Variants in OR56A3 observed in about 807,000 individuals in gnomAD.
OR56A3 encodes olfactory receptor 56A3.
OR56A3 carries 23 observed loss-of-function variants against 17.5 expected under a neutral mutation model. The observed-to-expected ratio is 1.32, with a 90% CI of 0.95 to 1.87. The LOEUF (loss-of-function observed/expected upper bound fraction) is 1.87. Ranked by LOEUF, OR56A3 falls within the 40% of genes most tolerant of loss-of-function variation. The pLI is 0.00. For synonymous variants in OR56A3, 175 were observed against 150.6 expected (o/e 1.16, Z -1.19); for missense variants, 366 against 380.1 (o/e 0.96, Z 0.31).
chr11:5,980,245 G>A, the OR56A3 span, among the ~76,000 whole-genome samples: 1 of 152,050 alleles, frequency 6.6e-6, no homozygotes, highest in Non-Finnish European at 1.5e-5. Flanking sequence ...ATCTTTGCTA[G>A]TTTTCTGCCT....
the OR56A3 span, among the ~76,000 whole-genome samples, chr11:5,962,832 G>T: frequency 9.2e-5 from 14 of 152,132 alleles, no homozygotes; most frequent in Non-Finnish European, 1.9e-4. Flanking sequence ...GCCACCGTCT[G>T]GGCTTTTCTT....
the OR56A3 span, chr11:5,967,983 T>C: frequency 6.3e-7 from 1 of 1,589,514 alleles, no homozygotes; most frequent in Non-Finnish European, 8.6e-7. Context: ...TCCTGCACAG[T>C]ATCTGAGTCG....
At chr11:5,978,044 T>TA in the OR56A3 span, among the ~76,000 whole-genome samples, 1 of 152,336 alleles carries the variant, frequency 6.6e-6, no homozygotes, top group South Asian at 2.1e-4. Flanking sequence ...CTGGGTTTTG[T>TA]AATCTTTTCC....
At chr11:5,947,068 AC>A (rs1232747654) in intron 2 of OR56A3, among the ~76,000 whole-genome samples, 2 of 152,118 alleles carry the variant, frequency 1.3e-5, no homozygotes, top group African/African-American at 2.4e-5. Context: ...TCTAAAAAAA[AC>A]AATTCTATTG....
At chr11:5,968,062 C>A in the OR56A3 span, 1 of 1,610,584 alleles carries the variant, frequency 6.2e-7, no homozygotes, top group Non-Finnish European at 8.5e-7. Context: ...GCAGCCCTAG[C>A]GACAAATTGA....
chr11:5,994,025 T>C, the OR56A3 span: 1 of 468,360 alleles, frequency 2.1e-6, no homozygotes, highest in South Asian at 1.6e-5. Context: ...TCCAGCAGGC[T>C]GCAGTAGGTG....
At chr11:5,987,602 T>C in the OR56A3 span, among the ~76,000 whole-genome samples, 1 of 152,190 alleles carries the variant, frequency 6.6e-6, no homozygotes, top group Admixed American at 6.5e-5. Context: ...TTTCCCAAAT[T>C]TGTTCTACTT....
downstream of OR56A3, among the ~76,000 whole-genome samples, chr11:5,951,513 G>A (rs1310138236): frequency 6.6e-6 from 1 of 152,146 alleles, no homozygotes; most frequent in Non-Finnish European, 1.5e-5. Context: ...AAACCAAATA[G>A]GTGTTATTCA....
chr11:5,960,065 A>G, the OR56A3 span, among the ~76,000 whole-genome samples: 1 of 152,124 alleles, frequency 6.6e-6, no homozygotes, highest in Non-Finnish European at 1.5e-5. Flanking sequence ...TTTGATTATT[A>G]TGGCTTTGTA....
the OR56A3 span, among the ~76,000 whole-genome samples, chr11:6,008,069 G>C: frequency 5.9e-5 from 9 of 152,162 alleles, no homozygotes; most frequent in Admixed American, 5.2e-4. Flanking sequence ...AAATGGAATG[G>C]TCACCAGAAC....
chr11:6,018,434 C>A, the OR56A3 span, among the ~76,000 whole-genome samples: 1 of 151,820 alleles, frequency 6.6e-6, no homozygotes, highest in Non-Finnish European at 1.5e-5. Flanking sequence ...ATTAAACAAG[C>A]TCCTAAATGA....
chr11:5,967,602 C>T, the OR56A3 span: 1 of 1,613,336 alleles, frequency 6.2e-7, no homozygotes, highest in Non-Finnish European at 8.5e-7. Flanking sequence ...CTCCTTGGTT[C>T]TCACACCATA....
the OR56A3 span, among the ~76,000 whole-genome samples, chr11:5,965,446 C>T: frequency 6.6e-6 from 1 of 152,062 alleles, no homozygotes; most frequent in Admixed American, 6.5e-5. Context: ...TCCCAATAAG[C>T]AGGCTTAGGT....
chr11:5,944,874 A>G lies in OR56A3; in HGVS notation c.-245A>G, dbSNP rs1165574922. 6.6e-6 allele frequency: 1 copy of G among 152,206 alleles called. No homozygotes were observed. The highest frequency in any genetic ancestry group is 2.1e-4 in the South Asian group (1 of 4,830). 9.4% of individuals were successfully genotyped at this position (152,206 alleles called of 1,614,324 possible). A position where few individuals can be genotyped will look rare whatever the true frequency, so the allele number is the denominator to read the frequency against. ...GGTGAAGGGCCATGCCTGGCAGACT[A>G]CATGGGGAATCAGAGGATCAAGAGG... is the stretch of plus-strand genomic sequence containing the variant. On this transcript the variant is annotated 5_prime_UTR_variant, in exon 2 of 3. Transcript: ENST00000641160.
the OR56A3 span, among the ~76,000 whole-genome samples, chr11:5,972,443 T>G: frequency 6.6e-6 from 1 of 152,032 alleles, no homozygotes; most frequent in African/African-American, 2.4e-5. Context: ...ACAGCATTGC[T>G]CCCCTCCCTT....
At chr11:5,958,599 C>T in the OR56A3 span, among the ~76,000 whole-genome samples, 1 of 152,064 alleles carries the variant, frequency 6.6e-6, no homozygotes, top group Non-Finnish European at 1.5e-5. Context: ...TTAACAAATG[C>T]ATTACTTCAA....
chr11:5,955,310 C>T (rs374218548), downstream of OR56A3, among the ~76,000 whole-genome samples: 3 of 152,152 alleles, frequency 2.0e-5, no homozygotes, highest in African/African-American at 4.8e-5. Context: ...CCAAGACAAA[C>T]TTCCAACACT....
the OR56A3 span, among the ~76,000 whole-genome samples, chr11:5,957,108 C>T: frequency 1.3e-5 from 2 of 152,126 alleles, no homozygotes; most frequent in Non-Finnish European, 2.9e-5. Flanking sequence ...TGAGATCGCA[C>T]AATTCCATTC....
chr11:5,996,499 C>T, the OR56A3 span, among the ~76,000 whole-genome samples: 3 of 145,732 alleles, frequency 2.1e-5, no homozygotes, highest in Admixed American at 2.1e-4. Context: ...TACCTTAAAC[C>T]AGTGAAGTTT....
Sources: allele counts gnomAD v4.1 joint callset (sites outside exome capture counted in the v4.1 genomes callset), GRCh38; gene constraint gnomAD v4.1.1; transcripts MANE v1.5; gene names NCBI Gene and HGNC (gene_info 2026-07-23, HGNC 2026-07-21).